ITGB6: variants seen among roughly 807,000 people sequenced by gnomAD.
ITGB6 encodes integrin subunit beta 6.
ITGB6 carries 80 observed loss-of-function variants against 84.5 expected under a neutral mutation model. That is an observed-to-expected ratio of 0.95 (90% confidence interval 0.79 to 1.14). ITGB6 has a LOEUF of 1.14. ITGB6 is among the 50% of genes most tolerant of loss of function. ITGB6 has a pLI of 0.00. For missense variants in ITGB6, 1,006 were observed against 968.0 expected (o/e 1.04, Z -0.52); for synonymous variants, 383 against 354.9 (o/e 1.08, Z -0.89).
intron 12 of ITGB6, among the ~76,000 whole-genome samples, chr2:160,117,342 G>A (rs12991988): frequency 0.67 from 99,809 of 150,008 alleles, 33,563 homozygotes; most frequent in Admixed American, 0.74. Context: ...ATCAAACTAG[G>A]ACTCAGGATT....
At position 160,117,801 on chromosome 2, in the gene ITGB6, A is replaced by G. The variant is rs1050965911; in HGVS notation, c.1982-5602T>C. Among the ~76,000 whole-genome samples, 9 of 152,350 alleles carry G rather than the reference A, an allele frequency of 5.9e-5. No homozygotes were observed. In the South Asian group the frequency reaches 1.9e-3, roughly 32 times the overall value. On this transcript the variant is annotated intron_variant, in intron 12 of 14. Transcript: ENST00000283249. Reference sequence around the variant, plus strand: ...ATAAAGAAGAAAAGAGAGAAGAATCAGATAGATGCAATAAAACATGATAAA... The same window carrying G: ...ATAAAGAAGAAAAGAGAGAAGAATCGGATAGATGCAATAAAACATGATAAA...
chr2:160,167,194 C>G (rs764393019), intron 7 of ITGB6, among the ~76,000 whole-genome samples: 11 of 152,218 alleles, frequency 7.2e-5, no homozygotes, highest in Non-Finnish European at 1.0e-4. Flanking sequence ...GACTCCTGCA[C>G]ATACAGGGCT....
At chr2:160,121,348 A>G (rs1031060361) in intron 12 of ITGB6, among the ~76,000 whole-genome samples, 2 of 152,230 alleles carry the variant, frequency 1.3e-5, no homozygotes, top group Non-Finnish European at 2.9e-5. Flanking sequence ...TCCTGCAAAG[A>G]AAACAAGAAA....
At chr2:160,115,764 A>C (rs1439874313) in intron 12 of ITGB6, among the ~76,000 whole-genome samples, 1 of 152,186 alleles carries the variant, frequency 6.6e-6, no homozygotes, top group Non-Finnish European at 1.5e-5. Flanking sequence ...AAAACTGTGA[A>C]AAAAAATTAG....
At chr2:160,192,351 T>C (rs1686175589) in intron 4 of ITGB6, among the ~76,000 whole-genome samples, 1 of 152,094 alleles carries the variant, frequency 6.6e-6, no homozygotes, top group Non-Finnish European at 1.5e-5. Flanking sequence ...ACAAAGACAT[T>C]AAGATAACTC....
At chr2:160,150,254 ATC>A (rs1684361613) in intron 7 of ITGB6, among the ~76,000 whole-genome samples, 1 of 152,214 alleles carries the variant, frequency 6.6e-6, no homozygotes, top group Admixed American at 6.5e-5. Flanking sequence ...TTAACAACAG[ATC>A]TCTCGGCAGA....
In ITGB6 at chr2:160,169,241, C is replaced by G; in HGVS notation, c.988G>C (p.Val330Leu). ...TATAAATGAACTTGTTCTTGGGTTA[C>G]AGCGAAGATCAATAACACGTTGTTT... The part of the protein sequence containing the change: ...VQNNVLLIFA[V>L]TQEQVHLYEN... Residue 330 changes from valine (V) to leucine (L), a missense_variant, in exon 7 of 15, where the codon GTA becomes CTA. By Grantham distance (32) the Val-to-Leu change is conservative (BLOSUM62 1). Coordinates refer to ENST00000283249, the MANE Select transcript of ITGB6 (RefSeq NM_000888.5). 2 of 1,603,378 alleles carry G rather than the reference C, an allele frequency of 1.2e-6. No homozygotes were observed. The highest frequency in any genetic ancestry group is 8.5e-7 in the Non-Finnish European group (1 of 1,175,676).
At chr2:160,171,198 C>T (rs1442499028) in intron 6 of ITGB6, among the ~76,000 whole-genome samples, 2 of 152,164 alleles carry the variant, frequency 1.3e-5, no homozygotes, top group African/African-American at 2.4e-5. Flanking sequence ...TCTTTCTCTC[C>T]CCCTGCACCC....
At chr2:160,105,338 G>A (rs1270380896) in intron 14 of ITGB6, among the ~76,000 whole-genome samples, 1 of 152,192 alleles carries the variant, frequency 6.6e-6, no homozygotes, top group Admixed American at 6.5e-5. Context: ...TACATCCTGA[G>A]GGAGAACAAT....
intron 4 of ITGB6, among the ~76,000 whole-genome samples, chr2:160,185,528 G>A (rs1685859620): frequency 1.3e-5 from 2 of 152,168 alleles, no homozygotes; most frequent in Admixed American, 1.3e-4. Flanking sequence ...AATCAATATT[G>A]TGAAAATAGC....
chr2:160,190,309 C>T (rs1367480278), intron 4 of ITGB6, among the ~76,000 whole-genome samples: 1 of 151,818 alleles, frequency 6.6e-6, no homozygotes, highest in Admixed American at 6.6e-5. Context: ...ATATATGTAA[C>T]AAACCTGCAC....
chr2:160,173,157 C>G (rs1373919923), intron 5 of ITGB6, among the ~76,000 whole-genome samples: 1 of 152,020 alleles, frequency 6.6e-6, no homozygotes, highest in Non-Finnish European at 1.5e-5. Flanking sequence ...AAAATGTCAC[C>G]CAACATTTAG....
At chr2:160,172,787 T>C in intron 5 of ITGB6, 57 bp from the exon 6 acceptor site, 1 of 1,375,496 alleles carries the variant, frequency 7.3e-7, no homozygotes, top group Non-Finnish European at 1.0e-6. Context: ...ATTTATTGAG[T>C]GTGGATCAAT....
chr2:160,119,161 A>G (rs1185006072), intron 12 of ITGB6, among the ~76,000 whole-genome samples: 4 of 152,224 alleles, frequency 2.6e-5, no homozygotes, highest in Non-Finnish European at 4.4e-5. Context: ...ATTGGAAAAA[A>G]CTACTTTAAA....
chr2:160,106,120 T>C (rs940375522), intron 14 of ITGB6, among the ~76,000 whole-genome samples: 3 of 152,214 alleles, frequency 2.0e-5, no homozygotes, highest in African/African-American at 7.2e-5. Flanking sequence ...CTAAAAAATA[T>C]GGATATTTTC....
At chr2:160,174,807 T>C (rs796265406) in intron 4 of ITGB6, among the ~76,000 whole-genome samples, 10 of 152,346 alleles carry the variant, frequency 6.6e-5, no homozygotes, top group African/African-American at 1.9e-4. Flanking sequence ...TAGCTGTGCA[T>C]GAAACTTTGG....
At chr2:160,153,912 T>C (rs1454634902) in intron 7 of ITGB6, among the ~76,000 whole-genome samples, 2 of 152,146 alleles carry the variant, frequency 1.3e-5, no homozygotes, top group Non-Finnish European at 1.5e-5. Context: ...AGAATGGTGA[T>C]CATTAAAAAA....
intron 10 of ITGB6, among the ~76,000 whole-genome samples, chr2:160,129,532 G>A (rs1187476983): frequency 1.3e-5 from 2 of 151,998 alleles, no homozygotes; most frequent in African/African-American, 4.8e-5. Flanking sequence ...CACTATACAA[G>A]TGTTAGTTAC....
rs1685262459 is a variant in ITGB6 at position 160,172,731 on chromosome 2, C to T, written c.760-1G>A. 6 of 1,590,822 alleles carry T rather than the reference C, an allele frequency of 3.8e-6. No homozygotes were observed. Among genetic ancestry groups the T allele is most frequent in the Non-Finnish European group, 5.2e-6 (6 of 1,160,474 alleles). On this transcript the variant is annotated splice_acceptor_variant, in intron 5 of 14. Transcript: ENST00000283249. LOFTEE classifies it high-confidence loss of function. Reference sequence around the variant, plus strand: ...AGTCATTCCGCCAGCCAATTTTTTCCTACAGTGAGAAAGAAACATTTGTGT... The same window carrying T: ...AGTCATTCCGCCAGCCAATTTTTTCTTACAGTGAGAAAGAAACATTTGTGT...
Sources: gnomAD v4.1 joint callset for allele counts (sites outside exome capture counted in the v4.1 genomes callset) on GRCh38, gnomAD v4.1.1 for gene constraint, MANE v1.5 for transcripts, NCBI Gene and HGNC (gene_info 2026-07-23, HGNC 2026-07-21) for gene names.